ADAMTS12: variants seen among roughly 807,000 people sequenced by gnomAD.
ADAMTS12 encodes the protein ADAM metallopeptidase with thrombospondin type 1 motif 12.
In ADAMTS12, 118 loss-of-function variants were observed where a neutral mutation model predicts 167.8. The observed-to-expected ratio is 0.70, with a 90% CI of 0.61 to 0.82. The LOEUF is 0.82. Ranked by LOEUF, ADAMTS12 falls within the 40% of genes least tolerant of loss-of-function variation. The pLI, the probability that ADAMTS12 is intolerant of heterozygous loss-of-function variation, is 0.00. For missense variants in ADAMTS12, 1,916 were observed against 1,998.8 expected (o/e 0.96, Z 0.79); for synonymous variants, 704 against 716.9 (o/e 0.98, Z 0.29).
chr5:33,819,666 G>C (rs1346529109), intron 2 of ADAMTS12, among the ~76,000 whole-genome samples: 2 of 152,044 alleles, frequency 1.3e-5, no homozygotes, highest in Non-Finnish European at 2.9e-5. Context: ...TGTTAAGTCT[G>C]TGTATTACTT....
chr5:33,747,973 T>A (rs1051897671), intron 3 of ADAMTS12, among the ~76,000 whole-genome samples: 1 of 152,202 alleles, frequency 6.6e-6, no homozygotes, highest in African/African-American at 2.4e-5. Context: ...ATTTGTTGAA[T>A]GAATGAATAA....
chr5:33,770,608 C>T (rs1425509728), intron 2 of ADAMTS12, among the ~76,000 whole-genome samples: 1 of 152,118 alleles, frequency 6.6e-6, no homozygotes, highest in Non-Finnish European at 1.5e-5. Context: ...TGCTTTAGGC[C>T]CAGGAGAGGA....
rs745640228 is a variant in ADAMTS12 at position 33,849,197 on chromosome 5, AAT to A, written c.489+31920_489+31921del. On this transcript the variant is annotated intron_variant, in intron 2 of 23. Transcript: ENST00000504830. Reference sequence around the variant, plus strand: ...GCAATATATATATGTATTGCATAGCAATATATATATATGTATTGCATAGCAAT... The same window carrying A: ...GCAATATATATATGTATTGCATAGCAATATATATATGTATTGCATAGCAAT... 1.3e-3 allele frequency among the ~76,000 whole-genome samples: 84 copies of A among 64,430 alleles called. 10 individuals are homozygous for A. The highest frequency in any genetic ancestry group is 0.026 in the Middle Eastern group (1 of 38). The allele number at this position is 64,430 out of a possible 152,430, so 42.3% of individuals were successfully genotyped here.
intron 1 of ADAMTS12, among the ~76,000 whole-genome samples, chr5:33,891,132 G>A (rs1214803189): frequency 6.6e-6 from 1 of 152,180 alleles, no homozygotes; most frequent in Non-Finnish European, 1.5e-5. Context: ...AATTCATAAA[G>A]AGAAGCAGCC....
chr5:33,811,141 A>G (rs1302593546), intron 2 of ADAMTS12, among the ~76,000 whole-genome samples: 1 of 152,174 alleles, frequency 6.6e-6, no homozygotes, highest in Non-Finnish European at 1.5e-5. Context: ...CATGGGGGCT[A>G]ATAGTACGTA....
chr5:33,837,105 A>T (rs1748557979), intron 2 of ADAMTS12, among the ~76,000 whole-genome samples: 1 of 152,162 alleles, frequency 6.6e-6, no homozygotes, highest in South Asian at 2.1e-4. Flanking sequence ...ACACCAGACA[A>T]GCCCCACTGT....
chr5:33,564,515 C>T (rs978387859), intron 19 of ADAMTS12, among the ~76,000 whole-genome samples: 2 of 152,124 alleles, frequency 1.3e-5, no homozygotes, highest in Admixed American at 1.3e-4. Context: ...ATTAGAATAG[C>T]TTTTTGGAGG....
intron 13 of ADAMTS12, among the ~76,000 whole-genome samples, chr5:33,627,339 G>A (rs111072103): frequency 0.33 from 49,120 of 148,586 alleles, 8,984 homozygotes; most frequent in African/African-American, 0.5. Flanking sequence ...TGATGGAAGT[G>A]ATGGTAGTGA....
chr5:33,769,774 C>T (rs1262353492), intron 2 of ADAMTS12, among the ~76,000 whole-genome samples: 2 of 152,158 alleles, frequency 1.3e-5, no homozygotes, highest in Non-Finnish European at 2.9e-5. Flanking sequence ...TCAAGAGATG[C>T]AGAATTGTAC....
At position 33,630,762 on chromosome 5, in the gene ADAMTS12, A is replaced by G; in HGVS notation, c.2022+18T>C. 1.9e-6 allele frequency: 3 copies of G among 1,599,338 alleles called. No homozygotes were observed. The highest frequency in any genetic ancestry group is 2.6e-6 in the Non-Finnish European group (3 of 1,168,716). On this transcript the variant is annotated intron_variant, in intron 13 of 23. Transcript: ENST00000504830. Reference sequence around the variant, plus strand: ...CATGATTTTATAAAGTTGTAGATTAAGGAAACATACCCAATACCTTACATA... The same window carrying G: ...CATGATTTTATAAAGTTGTAGATTAGGGAAACATACCCAATACCTTACATA...
chr5:33,720,138 A>G (rs1190058814), intron 3 of ADAMTS12, among the ~76,000 whole-genome samples: 2 of 152,154 alleles, frequency 1.3e-5, no homozygotes, highest in East Asian at 3.8e-4. Context: ...CAGAAACTCA[A>G]AATTGTGACC....
chr5:33,744,949 G>C (rs1352364471), intron 3 of ADAMTS12, among the ~76,000 whole-genome samples: 2 of 152,166 alleles, frequency 1.3e-5, no homozygotes, highest in East Asian at 3.9e-4. Flanking sequence ...GGGTAGCTGG[G>C]AGTACAGGTG....
chr5:33,560,169 G>A (rs965093922), intron 20 of ADAMTS12, among the ~76,000 whole-genome samples: 3 of 152,206 alleles, frequency 2.0e-5, no homozygotes, highest in African/African-American at 7.2e-5. Context: ...GAAAGGACAG[G>A]TGGGTTACCA....
chr5:33,636,931 G>A, intron 12 of ADAMTS12, among the ~76,000 whole-genome samples: 1 of 152,088 alleles, frequency 6.6e-6, no homozygotes, highest in East Asian at 1.9e-4. Context: ...TCCCTCCTGT[G>A]CAACATTCAG....
chr5:33,837,048 C>T (rs1748555799), intron 2 of ADAMTS12, among the ~76,000 whole-genome samples: 1 of 151,992 alleles, frequency 6.6e-6, no homozygotes, highest in African/African-American at 2.4e-5. Flanking sequence ...CATGCCCAGC[C>T]CTGGCTTTTA....
intron 13 of ADAMTS12, among the ~76,000 whole-genome samples, chr5:33,625,070 C>T (rs1454421025): frequency 6.6e-6 from 1 of 152,166 alleles, no homozygotes; most frequent in East Asian, 1.9e-4. Flanking sequence ...TCACAGTCAA[C>T]AGCCTTGAAC....
intron 2 of ADAMTS12, among the ~76,000 whole-genome samples, chr5:33,762,363 C>T (rs1050884821): frequency 2.1e-4 from 31 of 149,042 alleles, no homozygotes; most frequent in Admixed American, 1.0e-3. Context: ...AAAAAGTTAG[C>T]GGGGCGTGGT....
chr5:33,873,254 G>A (rs1262742258), intron 2 of ADAMTS12, among the ~76,000 whole-genome samples: 1 of 150,962 alleles, frequency 6.6e-6, no homozygotes, highest in Non-Finnish European at 1.5e-5. Flanking sequence ...AAAGTGAGTT[G>A]TTTTACTATA....
At chr5:33,761,467 G>A (rs1203004345) in intron 2 of ADAMTS12, among the ~76,000 whole-genome samples, 1 of 152,202 alleles carries the variant, frequency 6.6e-6, no homozygotes, top group East Asian at 1.9e-4. Context: ...CTAATCAGGA[G>A]GAATTTGGTA....
Sources: gnomAD v4.1 joint callset for allele counts (sites outside exome capture counted in the v4.1 genomes callset) on GRCh38, gnomAD v4.1.1 for gene constraint, MANE v1.5 for transcripts, NCBI Gene and HGNC (gene_info 2026-07-23, HGNC 2026-07-21) for gene names.